Variants in MGST1 observed in about 807,000 individuals in gnomAD.
The protein encoded by MGST1 is glutathione S-transferase 12.
A neutral mutation model predicts 8.9 loss-of-function variants in MGST1; 5 were observed. The ratio of observed to expected loss-of-function variants is 0.56; its 90% confidence interval spans 0.29 to 1.19. The LOEUF (loss-of-function observed/expected upper bound fraction) is 1.19, where lower values mean the gene tolerates loss of function less well. Ranked by LOEUF, MGST1 falls within the 50% of genes most tolerant of loss-of-function variation. MGST1 has a pLI of 0.08. For synonymous variants in MGST1, 54 were observed against 67.8 expected (o/e 0.80, Z 1.00); for missense variants, 182 against 187.4 (o/e 0.97, Z 0.17).
chr12:16,554,612 C>T (rs554296170), intron 4 of MGST1, among the ~76,000 whole-genome samples: 1 of 152,310 alleles, frequency 6.6e-6, no homozygotes, highest in South Asian at 2.1e-4. Flanking sequence ...CCAAATCTTG[C>T]TATACATTAT....
chr12:16,429,572 A>T (rs1006859669), intron 1 of MGST1, among the ~76,000 whole-genome samples: 1 of 152,102 alleles, frequency 6.6e-6, no homozygotes, highest in African/African-American at 2.4e-5. Flanking sequence ...GACCAATAAG[A>T]TGGAGCAAAT....
intron 4 of MGST1, among the ~76,000 whole-genome samples, chr12:16,551,975 A>C (rs1254592255): frequency 6.6e-6 from 1 of 152,026 alleles, no homozygotes; most frequent in Non-Finnish European, 1.5e-5. Flanking sequence ...TTCTTAGAGC[A>C]CTTCCAATTC....
chr12:16,398,144 A>T (rs1175450666), intron 1 of MGST1, among the ~76,000 whole-genome samples: 1 of 151,892 alleles, frequency 6.6e-6, no homozygotes, highest in African/African-American at 2.4e-5. Context: ...TCCAAAATTG[A>T]AAACATCAAG....
In MGST1 at chr12:16,435,347, A is replaced by T. The variant is rs1940975549; in HGVS notation, n.779-2041A>T. 2.0e-5 allele frequency among the ~76,000 whole-genome samples: 3 copies of T among 151,958 alleles called. No individual in the cohort carries two copies. The South Asian group carries it at 6.2e-4, about 31-fold the overall frequency. ...TTTCTACTTATAGCTTCCAGGTAACACTTTTGCAGTATTACTACTAAGGAT... is the reference window on the plus strand; with the variant it reads ...TTTCTACTTATAGCTTCCAGGTAACTCTTTTGCAGTATTACTACTAAGGAT... On this transcript the variant is annotated intron_variant and non_coding_transcript_variant, in intron 1 of 1. Transcript: ENST00000359720.
Position 16,576,920 on chromosome 12 carries a change from C to G in MGST1, n.483-12608C>G, listed in dbSNP as rs543644205. On this transcript the variant is annotated intron_variant and non_coding_transcript_variant, in intron 4 of 4. Coordinates refer to the MGST1 transcript ENST00000538857. The surrounding 1 kb of genome is among the most constrained non-coding windows in gnomAD (Gnocchi z 4.1). ...TATACCACCCTCCCCACGTTCTTTC[C>G]TAAACTATCTATTTTAGAAATAACC... Among the ~76,000 whole-genome samples the G allele has an allele frequency of 6.6e-6, 1 of 152,260 alleles. No individual in the cohort carries two copies. Among genetic ancestry groups the G allele is most frequent in the South Asian group, 2.1e-4 (1 of 4,830 alleles).
intron 4 of MGST1, among the ~76,000 whole-genome samples, chr12:16,512,435 C>T (rs1425851043): frequency 6.6e-6 from 1 of 152,148 alleles, no homozygotes; most frequent in Non-Finnish European, 1.5e-5. Flanking sequence ...TAGTAATGTT[C>T]TCATTTGGTA....
intron 1 of MGST1, among the ~76,000 whole-genome samples, chr12:16,432,731 C>CACACAG (rs775306657): frequency 4.5e-5 from 6 of 132,672 alleles, no homozygotes; most frequent in Admixed American, 7.7e-5. Flanking sequence ...CACACACACA[C>CACACAG]AGAGAGAGAG....
At chr12:16,351,946 C>G (rs1033995812) in intron 1 of MGST1, among the ~76,000 whole-genome samples, 3 of 152,196 alleles carry the variant, frequency 2.0e-5, no homozygotes, top group African/African-American at 7.2e-5. Flanking sequence ...GGGGTGCCTA[C>G]TTGTGCCAGC....
At chr12:16,376,099 CT>C (rs1348722576) in intron 3 of MGST1, 2 of 1,289,894 alleles carry the variant, frequency 1.6e-6, no homozygotes, top group Non-Finnish European at 2.1e-6. Flanking sequence ...TATTAAAAAT[CT>C]TATTTTTTTT....
intron 1 of MGST1, among the ~76,000 whole-genome samples, chr12:16,353,110 T>G (rs1374037604): frequency 6.6e-6 from 1 of 152,098 alleles, no homozygotes; most frequent in Non-Finnish European, 1.5e-5. Flanking sequence ...CTTGGCTCAC[T>G]GCAAGCTCTG....
chr12:16,361,010 A>G lies in MGST1; in HGVS notation c.222-2785A>G, dbSNP rs1301421220. Among the ~76,000 whole-genome samples, 1 of 126,238 alleles carries G rather than the reference A, an allele frequency of 7.9e-6. No individual in the cohort carries two copies. The highest frequency in any genetic ancestry group is 1.6e-5 in the Non-Finnish European group (1 of 62,756). 82.8% of individuals were successfully genotyped at this position (126,238 alleles called of 152,430 possible). On this transcript the variant is annotated intron_variant, in intron 3 of 3. Coordinates refer to ENST00000396210, the MANE Select transcript of MGST1 (RefSeq NM_020300.5). This position sits in a 1 kb window ranked among gnomAD's most constrained non-coding sequence, Gnocchi z 4.2. ...CCCTCCCCGCCCCCAAAAGACCCACATGCATATAGGAATGGGAGAATGATA... is the reference window on the plus strand; with the variant it reads ...CCCTCCCCGCCCCCAAAAGACCCACGTGCATATAGGAATGGGAGAATGATA...
chr12:16,400,035 T>C, intron 1 of MGST1: 1 of 1,573,854 alleles, frequency 6.4e-7, no homozygotes, highest in Non-Finnish European at 8.7e-7. Context: ...TAAAAGGCAC[T>C]TCAAATTCCA....
exon 2 of MGST1, chr12:16,438,175 C>T (rs1049927290): frequency 2.6e-5 from 4 of 151,960 alleles, no homozygotes; most frequent in Non-Finnish European, 5.9e-5. Context: ...TTTGCCATTT[C>T]TCTTATGGAA....
intron 1 of MGST1, among the ~76,000 whole-genome samples, chr12:16,397,144 C>G (rs768232628): frequency 3.3e-5 from 5 of 152,126 alleles, no homozygotes; most frequent in Non-Finnish European, 7.4e-5. Context: ...GCCAACTGCT[C>G]TTTGACAAAA....
intron 4 of MGST1, among the ~76,000 whole-genome samples, chr12:16,450,234 G>A (rs1050991799): frequency 1.3e-5 from 2 of 151,872 alleles, no homozygotes; most frequent in Non-Finnish European, 2.9e-5. Context: ...TTGGTTGCAC[G>A]GATAACCCTT....
chr12:16,476,952 A>G (rs896298490), intron 4 of MGST1, among the ~76,000 whole-genome samples: 2 of 152,208 alleles, frequency 1.3e-5, no homozygotes, highest in Non-Finnish European at 2.9e-5. Flanking sequence ...ATCTTGAGCC[A>G]ATCAGTCTTA....
intron 4 of MGST1, among the ~76,000 whole-genome samples, chr12:16,564,614 G>T (rs1266758600): frequency 6.6e-6 from 1 of 152,052 alleles, no homozygotes; most frequent in Non-Finnish European, 1.5e-5. Flanking sequence ...CCAGGTCAGT[G>T]GCTCAAGTCA....
Position 16,362,060 on chromosome 12 carries a change from T to C in MGST1, c.222-1735T>C, listed in dbSNP as rs945517666. Among the ~76,000 whole-genome samples, 1 of 152,194 alleles carries C rather than the reference T, an allele frequency of 6.6e-6. No individual in the cohort carries two copies. Among genetic ancestry groups the C allele is most frequent in the African/African-American group, 2.4e-5 (1 of 41,450 alleles). ...TATAGTTTCTTCCTCAACCTTAAAA[T>C]GTCTGTCCTTTTGGCATGTTGTGAA... On this transcript the variant is annotated intron_variant, in intron 3 of 3. Coordinates refer to ENST00000396210, the MANE Select transcript of MGST1 (RefSeq NM_020300.5). The surrounding 1 kb of genome is among the most constrained non-coding windows in gnomAD (Gnocchi z 4.4).
downstream of MGST1, among the ~76,000 whole-genome samples, chr12:16,381,670 T>G (rs1388036957): frequency 2.0e-5 from 3 of 152,186 alleles, no homozygotes; most frequent in Non-Finnish European, 4.4e-5. Flanking sequence ...TTTCCTGAAT[T>G]TGAATGTTGG....
Sources: allele counts gnomAD v4.1 joint callset (sites outside exome capture counted in the v4.1 genomes callset), GRCh38; gene constraint gnomAD v4.1.1; non-coding constraint Gnocchi (gnomAD v3.1); transcripts MANE v1.5; gene names NCBI Gene and HGNC (gene_info 2026-07-23, HGNC 2026-07-21).